The following EXPH5 variants were observed in gnomAD, a reference collection of about 807,000 sequenced individuals.
EXPH5 encodes exophilin-5.
Under a neutral mutation model 41.1 loss-of-function variants are expected in EXPH5, and 42 were observed. The ratio of observed to expected loss-of-function variants is 1.02; its 90% CI spans 0.80 to 1.32. EXPH5 has a LOEUF of 1.32. Among genes scored for constraint, EXPH5 ranks in the 40% most tolerant of loss-of-function variants. EXPH5 has a pLI of 0.00. For missense variants in EXPH5, 2,298 were observed against 2,314.5 expected (o/e 0.99, Z 0.15); for synonymous variants, 798 against 833.5 (o/e 0.96, Z 0.73).
At chr11:108,533,996 T>C (rs920140508) in intron 3 of EXPH5, among the ~76,000 whole-genome samples, 1 of 152,118 alleles carries the variant, frequency 6.6e-6, no homozygotes, top group Non-Finnish European at 1.5e-5. Context: ...AGCCTGACTA[T>C]GTTGACCAGG....
intron 1 of EXPH5, among the ~76,000 whole-genome samples, chr11:108,552,393 T>C (rs1004511506): frequency 6.6e-6 from 1 of 152,148 alleles, no homozygotes; most frequent in African/African-American, 2.4e-5. Flanking sequence ...AGTTAAATCA[T>C]ACACGGAAGT....
rs2093639557 is a variant in EXPH5 at position 108,505,487 on chromosome 11, T to C, written c.*4050A>G. The C allele has an allele frequency of 2.6e-5, 4 of 152,240 alleles. No individual in the cohort carries two copies. The South Asian group carries it at 8.3e-4, about 31-fold the overall frequency. The allele number at this position is 152,240 out of a possible 1,614,324, so 9.4% of individuals were successfully genotyped here. On this transcript the variant is annotated 3_prime_UTR_variant, in exon 6 of 6. Coordinates refer to ENST00000265843, the MANE Select transcript of EXPH5 (RefSeq NM_015065.3). ...GGCATTGTTTTAAATTTGCACCTTG[T>C]CTTTAACACATTTCATAACCAGAGA... is the stretch of plus-strand genomic sequence containing the variant.
chr11:108,514,026 T>A lies in EXPH5; in HGVS notation c.1481A>T (p.His494Leu), dbSNP rs765439231. ...AGAACTGAATGATTTCCTGCTTCGA[T>A]GAAAGTCAGACCAGAAAGAATGTCC... Reference protein sequence around the residue: ...EKGHSFWSDFHRSRKSFSSSD... With the variant: ...EKGHSFWSDFLRSRKSFSSSD... Residue 494 changes from histidine (H) to leucine (L), a missense_variant, in exon 6 of 6, where the codon CAT becomes CTT. Physicochemically the swap from His to Leu is moderately conservative, Grantham distance 99. Coordinates refer to ENST00000265843, the MANE Select transcript of EXPH5 (RefSeq NM_015065.3). 12 of 1,614,056 alleles carry A rather than the reference T, an allele frequency of 7.4e-6. No homozygotes were observed. The South Asian group carries it at 1.2e-4, about 16-fold the overall frequency.
At chr11:108,531,034 C>T (rs1274493538) in intron 3 of EXPH5, among the ~76,000 whole-genome samples, 2 of 152,036 alleles carry the variant, frequency 1.3e-5, no homozygotes, top group Non-Finnish European at 2.9e-5. Flanking sequence ...GGTAAAAGGC[C>T]CCTGGACTTG....
the EXPH5 span, among the ~76,000 whole-genome samples, chr11:108,599,039 A>T: frequency 2.0e-5 from 3 of 152,054 alleles, 1 homozygote; most frequent in South Asian, 6.2e-4. Context: ...AGAGACGGAG[A>T]GAGAGAGAGA....
chr11:108,513,243 C>T lies in EXPH5; in HGVS notation c.2264G>A (p.Gly755Glu). Residue 755 changes from glycine to glutamate, a missense_variant, in exon 6 of 6, where the codon GGG becomes GAG. Physicochemically the swap from Gly to Glu is moderately conservative, Grantham distance 98. Coordinates refer to ENST00000265843, the MANE Select transcript of EXPH5 (RefSeq NM_015065.3). ...PLSQDSAKSN[G>E]FGFNASTIIS... is the part of the protein sequence containing the mutation. ...TATGGTAGATGCATTAAAACCAAAC[C>T]CGTTGCTCTTGGCTGAGTCCTGGGA... 6.2e-7 allele frequency: 1 copy of T among 1,612,732 alleles called. No individual in the cohort carries two copies. The highest frequency in any genetic ancestry group is 8.5e-7 in the Non-Finnish European group (1 of 1,179,654).
intron 4 of EXPH5, among the ~76,000 whole-genome samples, chr11:108,518,757 C>T (rs1232739469): frequency 6.6e-6 from 1 of 152,132 alleles, no homozygotes; most frequent in Admixed American, 6.5e-5. Flanking sequence ...TTCTAAGTCA[C>T]AGGATGAGAC....
rs1383911111 is a variant in EXPH5 at position 108,516,165 on chromosome 11, T to G, written c.632-1290A>C. Reference sequence around the variant, plus strand: ...ATGATTTTACTGTGAGACGAGCTCATAGTTTTACAAAGACGTGAAGTTGCT... The same window carrying G: ...ATGATTTTACTGTGAGACGAGCTCAGAGTTTTACAAAGACGTGAAGTTGCT... On this transcript the variant is annotated intron_variant, in intron 5 of 5. Transcript: ENST00000265843. 4.6e-5 allele frequency among the ~76,000 whole-genome samples: 7 copies of G among 152,080 alleles called. No individual in the cohort carries two copies. In the East Asian group the frequency reaches 1.4e-3, roughly 29 times the overall value.
intron 3 of EXPH5, among the ~76,000 whole-genome samples, chr11:108,528,680 CT>C (rs1239197844): frequency 1.7e-5 from 2 of 115,928 alleles, no homozygotes; most frequent in Non-Finnish European, 3.8e-5. Context: ...TCTTTCTTTT[CT>C]TTTTTTTCTT....
chr11:108,522,637 G>T lies in EXPH5; in HGVS notation c.493-4264C>A, dbSNP rs148803895. ...AGGCATTCTCTGAAGCCAAACACAG[G>T]TCATAGAGCTTCTGGGAAGCACCTG... On this transcript the variant is annotated intron_variant, in intron 4 of 5. Coordinates refer to ENST00000265843, the MANE Select transcript of EXPH5 (RefSeq NM_015065.3). Among the ~76,000 whole-genome samples the T allele has an allele frequency of 4.7e-3, 713 of 152,228 alleles. 3 individuals carry two copies. The highest frequency in any genetic ancestry group is 0.01 in the Middle Eastern group (3 of 294).
rs369413151 is a variant in EXPH5 at position 108,583,776 on chromosome 11, A to T, written c.119+9642T>A. Among the ~76,000 whole-genome samples, 20 of 152,352 alleles carry T rather than the reference A, an allele frequency of 1.3e-4. No individual in the cohort carries two copies. In the East Asian group the frequency reaches 2.5e-3, roughly 19 times the overall value. On this transcript the variant is annotated intron_variant, in intron 1 of 5. Transcript: ENST00000265843. ...CAACAAAGCAAGGAAGTACAATGTC[A>T]ATACTCCTATTCAACATCATGCTTG...
At chr11:108,550,560 T>C (rs1392193856) in intron 1 of EXPH5, among the ~76,000 whole-genome samples, 2 of 152,012 alleles carry the variant, frequency 1.3e-5, no homozygotes, top group East Asian at 3.9e-4. Context: ...AGACGGATCA[T>C]TTGAGGCCAG....
intron 1 of EXPH5, among the ~76,000 whole-genome samples, chr11:108,571,484 T>C (rs2094059998): frequency 6.6e-6 from 1 of 152,194 alleles, no homozygotes; most frequent in African/African-American, 2.4e-5. Flanking sequence ...GAATTCCGCC[T>C]GCTTTTTCTA....
At chr11:108,602,071 C>G in the EXPH5 span, among the ~76,000 whole-genome samples, 1 of 152,300 alleles carries the variant, frequency 6.6e-6, no homozygotes, top group African/African-American at 2.4e-5. Flanking sequence ...CTCTACATCC[C>G]TTTCCTATTT....
At chr11:108,605,773 GA>G in the EXPH5 span, among the ~76,000 whole-genome samples, 2 of 152,160 alleles carry the variant, frequency 1.3e-5, no homozygotes, top group African/African-American at 4.8e-5. Flanking sequence ...CATATATGAT[GA>G]ATCATTCTGA....
At position 108,543,654 on chromosome 11, in the gene EXPH5, A is replaced by T. The variant is rs142426434; in HGVS notation, c.120-1842T>A. Among the ~76,000 whole-genome samples, 20 of 152,196 alleles carry T rather than the reference A, an allele frequency of 1.3e-4. No homozygotes were observed. In the East Asian group the frequency reaches 3.9e-3, roughly 29 times the overall value. On this transcript the variant is annotated intron_variant, in intron 1 of 5. Transcript: ENST00000265843. ...GATATCTGTGAAGTGGCAGATTTGG[A>T]GTTAAAAGGCAATGAACTGAGATGG... is the stretch of plus-strand genomic sequence containing the variant.
At chr11:108,545,881 C>A (rs1156656953) in intron 1 of EXPH5, among the ~76,000 whole-genome samples, 1 of 150,538 alleles carries the variant, frequency 6.6e-6, no homozygotes, top group East Asian at 2.0e-4. Flanking sequence ...CCAGCCTGGG[C>A]AACAGAGTGA....
Position 108,593,664 on chromosome 11 carries a change from A to G in EXPH5, c.-128T>C. 1 of 1,572,120 alleles carries G rather than the reference A, an allele frequency of 6.4e-7. No individual in the cohort carries two copies. Among genetic ancestry groups the G allele is most frequent in the Non-Finnish European group, 8.6e-7 (1 of 1,157,956 alleles). ...GCCAATAATAAGTCCGCCCCTTTGA[A>G]AGTCTAAAACCACAAACCTAGGGAA... On this transcript the variant is annotated 5_prime_UTR_variant, in exon 1 of 6. Transcript: ENST00000265843.
chr11:108,532,977 A>G (rs1271396058), intron 3 of EXPH5, among the ~76,000 whole-genome samples: 4 of 152,152 alleles, frequency 2.6e-5, no homozygotes, highest in African/African-American at 9.7e-5. Context: ...ACAGCCTGGG[A>G]ATGCAAGCCC....
Sources: allele counts gnomAD v4.1 joint callset (sites outside exome capture counted in the v4.1 genomes callset), GRCh38; gene constraint gnomAD v4.1.1; transcripts MANE v1.5; gene names NCBI Gene and HGNC (gene_info 2026-07-23, HGNC 2026-07-21).